Variants in DSTN observed in about 807,000 individuals in gnomAD.
DSTN encodes the protein destrin.
A neutral mutation model predicts 16.8 loss-of-function variants in DSTN; 10 were observed. The observed-to-expected ratio is 0.60, with a 90% confidence interval of 0.37 to 1.01. The LOEUF is 1.01. Ranked by LOEUF, DSTN falls within the 50% of genes least tolerant of loss-of-function variation. DSTN has a pLI of 0.01. For missense variants in DSTN, 141 were observed against 196.7 expected, an observed-to-expected ratio of 0.72 and a Z score of 1.69; for synonymous variants, 57 against 58.9, an observed-to-expected ratio of 0.97 and a Z score of 0.14.
chr20:17,593,214 C>CTGA (rs1014674184), intron 1 of DSTN, among the ~76,000 whole-genome samples: 6 of 152,180 alleles, frequency 3.9e-5, no homozygotes, highest in African/African-American at 1.2e-4. Context: ...ATGAAACTAC[C>CTGA]TGATGAACTG....
Position 17,580,811 on chromosome 20 carries a change from G to T in DSTN, c.3+10600G>T, listed in dbSNP as rs372901010. Among the ~76,000 whole-genome samples the T allele has an allele frequency of 1.2e-4, 18 of 152,140 alleles. No homozygotes were observed. In the South Asian group the frequency reaches 3.7e-3, roughly 32 times the overall value. On this transcript the variant is annotated intron_variant, in intron 1 of 3. Transcript: ENST00000246069. Reference sequence around the variant, plus strand: ...GCTACTTTAGCTAGAATTTAGAGAAGGCCTCTTTTGAGGTAGGACTTACAT... The same window carrying T: ...GCTACTTTAGCTAGAATTTAGAGAATGCCTCTTTTGAGGTAGGACTTACAT...
At chr20:17,578,601 G>A (rs6111578) in intron 1 of DSTN, among the ~76,000 whole-genome samples, 2,664 of 152,214 alleles carry the variant, frequency 0.018, 31 homozygotes, top group Non-Finnish European at 0.025. Context: ...AAATGAAACC[G>A]TGGAATTTCA....
chr20:17,592,572 T>C (rs562318971), intron 1 of DSTN, among the ~76,000 whole-genome samples: 3 of 145,152 alleles, frequency 2.1e-5, no homozygotes, highest in South Asian at 4.5e-4. Context: ...ATCTAACATA[T>C]ACTATACCTT....
chr20:17,606,981 G>GA, intron 3 of DSTN, 56 bp from the exon 4 acceptor site: 1 of 1,574,094 alleles, frequency 6.4e-7, no homozygotes, highest in Admixed American at 1.7e-5. Flanking sequence ...TTATCTTAGA[G>GA]AAAGAGGTAA....
intron 1 of DSTN, among the ~76,000 whole-genome samples, chr20:17,571,983 G>A (rs2035212448): frequency 6.6e-6 from 1 of 152,110 alleles, no homozygotes; most frequent in Admixed American, 6.5e-5. Context: ...CATTTTTAAA[G>A]GTTATTTTTG....
At chr20:17,603,800 A>C (rs1179641004) in intron 2 of DSTN, among the ~76,000 whole-genome samples, 1 of 152,250 alleles carries the variant, frequency 6.6e-6, no homozygotes, top group Non-Finnish European at 1.5e-5. Context: ...AATCTTTAGA[A>C]TCATGAGATT....
chr20:17,603,965 A>G (rs2035613306), intron 2 of DSTN, among the ~76,000 whole-genome samples: 3 of 152,228 alleles, frequency 2.0e-5, no homozygotes, highest in Non-Finnish European at 2.9e-5. Context: ...GGGGAAGTCT[A>G]AGAAAAGGAC....
At position 17,593,135 on chromosome 20, in the gene DSTN, G is replaced by T. The variant is rs140231025; in HGVS notation, c.4-7603G>T. Among the ~76,000 whole-genome samples the T allele has an allele frequency of 4.8e-3, 734 of 152,192 alleles. 6 individuals are homozygous for T. The highest frequency in any genetic ancestry group is 0.017 in the African/African-American group (691 of 41,522). On this transcript the variant is annotated intron_variant, in intron 1 of 3. Coordinates refer to ENST00000246069, the MANE Select transcript of DSTN (RefSeq NM_006870.4). ...TCCTCATCTCCTGTTGTATTTGCTG[G>T]GTTCTCTTTGTCAGGAGCAGTCTTT... is the stretch of plus-strand genomic sequence containing the variant.
intron 1 of DSTN, among the ~76,000 whole-genome samples, chr20:17,573,426 T>A (rs2035230294): frequency 1.3e-5 from 2 of 152,174 alleles, no homozygotes; most frequent in South Asian, 4.1e-4. Context: ...TCCATTCCCC[T>A]GTTGATAGAC....
intron 1 of DSTN, among the ~76,000 whole-genome samples, chr20:17,579,544 C>G (rs2035320175): frequency 6.6e-6 from 1 of 152,180 alleles, no homozygotes; most frequent in Non-Finnish European, 1.5e-5. Flanking sequence ...GGTTGCACCA[C>G]TGCACCTCAG....
In DSTN at chr20:17,599,806, A is replaced by G. The variant is rs902261254; in HGVS notation, c.4-932A>G. Reference sequence around the variant, plus strand: ...TGCAATCACACATTTGATTGTCTACATTCTTCCCTTAGTCTGATCATCCTC... The same window carrying G: ...TGCAATCACACATTTGATTGTCTACGTTCTTCCCTTAGTCTGATCATCCTC... On this transcript the variant is annotated intron_variant, in intron 1 of 3. Transcript: ENST00000246069. 7.2e-5 allele frequency: 11 copies of G among 152,348 alleles called. No individual in the cohort carries two copies. The East Asian group carries it at 1.9e-3, about 27-fold the overall frequency. 9.4% of individuals were successfully genotyped at this position (152,348 alleles called of 1,614,324 possible). A position where few individuals can be genotyped will look rare whatever the true frequency, so the allele number is the denominator to read the frequency against.
chr20:17,598,087 C>A (rs2035547493), intron 1 of DSTN, among the ~76,000 whole-genome samples: 1 of 152,114 alleles, frequency 6.6e-6, no homozygotes, highest in Non-Finnish European at 1.5e-5. Flanking sequence ...AAAATCTATT[C>A]ATCACTAAAT....
chr20:17,589,982 T>C (rs1363414807), intron 1 of DSTN, among the ~76,000 whole-genome samples: 2 of 152,242 alleles, frequency 1.3e-5, no homozygotes, highest in African/African-American at 2.4e-5. Context: ...TCATTAATTA[T>C]GTAGCCAAGG....
intron 1 of DSTN, among the ~76,000 whole-genome samples, chr20:17,586,539 A>C (rs6136139): frequency 0.48 from 73,735 of 152,142 alleles, 22,202 homozygotes; most frequent in Middle Eastern, 0.66. Context: ...TTAACCACTT[A>C]ATAGTCATGT....
chr20:17,584,429 C>T (rs372458827), intron 1 of DSTN, among the ~76,000 whole-genome samples: 2 of 152,228 alleles, frequency 1.3e-5, no homozygotes, highest in South Asian at 4.1e-4. Flanking sequence ...GCAGGCGGAT[C>T]ACCTGAGGTT....
chr20:17,588,807 TCAC>T (rs1022440291), intron 1 of DSTN, among the ~76,000 whole-genome samples: 2 of 152,100 alleles, frequency 1.3e-5, no homozygotes, highest in Non-Finnish European at 2.9e-5. Flanking sequence ...CTTTGTATCA[TCAC>T]AGAAAGTTCT....
chr20:17,571,488 T>G (rs2035206721), intron 1 of DSTN, among the ~76,000 whole-genome samples: 1 of 152,230 alleles, frequency 6.6e-6, no homozygotes. Context: ...TGGTTCTTCT[T>G]TGGTTTAATG....
intron 1 of DSTN, among the ~76,000 whole-genome samples, chr20:17,579,366 C>T (rs1037382338): frequency 6.6e-6 from 1 of 151,990 alleles, no homozygotes; most frequent in Non-Finnish European, 1.5e-5. Flanking sequence ...CTTGAGCTTA[C>T]GAGTTCGAGA....
rs981777302 is a variant in DSTN, at chr20:17,601,884, A to G, written c.311+839A>G. On this transcript the variant is annotated intron_variant, in intron 2 of 3. Coordinates refer to ENST00000246069, the MANE Select transcript of DSTN (RefSeq NM_006870.4). ...TGCATTCCTTGATATGGCCAGGAGT[A>G]GAATTCTTTAGTTTCTAAGGGGAGG... Among the ~76,000 whole-genome samples, 11 of 152,172 alleles carry G rather than the reference A, an allele frequency of 7.2e-5. 1 individual carries two copies. The highest frequency in any genetic ancestry group is 1.3e-4 in the Non-Finnish European group (9 of 68,006).
Sources: gnomAD v4.1 joint callset for allele counts (sites outside exome capture counted in the v4.1 genomes callset) on GRCh38, gnomAD v4.1.1 for gene constraint, MANE v1.5 for transcripts, NCBI Gene and HGNC (gene_info 2026-07-23, HGNC 2026-07-21) for gene names.